The following AIG1 variants were observed in gnomAD, a reference collection of about 807,000 sequenced individuals.
AIG1 encodes the protein androgen induced 1, also known as androgen-induced gene 1 protein.
A neutral mutation model predicts 31.4 loss-of-function variants in AIG1; 23 were observed. The ratio of observed to expected loss-of-function variants is 0.73; its 90% CI spans 0.53 to 1.04. AIG1 has a LOEUF of 1.04. Ranked by LOEUF, AIG1 falls within the 50% of genes least tolerant of loss-of-function variation. The pLI is 0.00. For missense variants in AIG1, 274 were observed against 295.0 expected, an observed-to-expected ratio of 0.93 and a Z score of 0.52; for synonymous variants, 100 against 110.5, an observed-to-expected ratio of 0.90 and a Z score of 0.60.
chr6:143,192,366 A>T (rs1352831182), intron 3 of AIG1, among the ~76,000 whole-genome samples: 1 of 152,180 alleles, frequency 6.6e-6, no homozygotes, highest in Non-Finnish European at 1.5e-5. Flanking sequence ...GCACTTTGGG[A>T]GGCCAAGACA....
chr6:143,262,339 C>A (rs1440884384), intron 3 of AIG1, among the ~76,000 whole-genome samples: 1 of 152,124 alleles, frequency 6.6e-6, no homozygotes, highest in Non-Finnish European at 1.5e-5. Flanking sequence ...AGGCTCCATC[C>A]GCAAGTAAGT....
At chr6:143,285,341 T>TG (rs1174871894) in intron 4 of AIG1, among the ~76,000 whole-genome samples, 2 of 150,396 alleles carry the variant, frequency 1.3e-5, no homozygotes. Flanking sequence ...CGCGTCCAGC[T>TG]GGGAGGAGCT....
chr6:143,087,770 C>T (rs1357464856), intron 1 of AIG1, among the ~76,000 whole-genome samples: 3 of 152,306 alleles, frequency 2.0e-5, no homozygotes, highest in South Asian at 2.1e-4. Flanking sequence ...AATATCTTAA[C>T]TTTAAATCAA....
chr6:143,153,389 C>G (rs184992708), intron 2 of AIG1, among the ~76,000 whole-genome samples: 12 of 152,038 alleles, frequency 7.9e-5, no homozygotes, highest in African/African-American at 2.4e-4. Context: ...GCTCTGTCAC[C>G]CAGGCTGGAG....
chr6:143,084,317 G>A (rs1042380728), intron 1 of AIG1, among the ~76,000 whole-genome samples: 4 of 152,148 alleles, frequency 2.6e-5, no homozygotes, highest in East Asian at 1.9e-4. Flanking sequence ...GGGCATGGAC[G>A]AGGGGGTGGC....
At chr6:143,208,583 G>C (rs1025808460) in intron 3 of AIG1, among the ~76,000 whole-genome samples, 5 of 152,136 alleles carry the variant, frequency 3.3e-5, no homozygotes, top group Non-Finnish European at 7.3e-5. Flanking sequence ...ATTTAGTGAG[G>C]AGGAAGAATA....
At chr6:143,087,871 C>G (rs1778948991) in intron 1 of AIG1, among the ~76,000 whole-genome samples, 1 of 152,180 alleles carries the variant, frequency 6.6e-6, no homozygotes, top group South Asian at 2.1e-4. Context: ...TGGCAATGAT[C>G]ACTCAGGGTG....
chr6:143,228,741 G>A (rs1311524332), intron 3 of AIG1, among the ~76,000 whole-genome samples: 1 of 152,224 alleles, frequency 6.6e-6, no homozygotes, highest in African/African-American at 2.4e-5. Flanking sequence ...CCCAAGATGG[G>A]TGTGGTCTGG....
intron 3 of AIG1, among the ~76,000 whole-genome samples, chr6:143,244,101 A>T (rs1407766140): frequency 1.3e-5 from 2 of 152,218 alleles, no homozygotes; most frequent in African/African-American, 4.8e-5. Context: ...AGGGAATCAT[A>T]CCCAGCAGCA....
rs56096939 is a variant in AIG1, at chr6:143,067,322, G to A, written c.141+6256G>A. Among the ~76,000 whole-genome samples the A allele has an allele frequency of 9.7e-3, 1,484 of 152,208 alleles. 8 individuals are homozygous for A. The highest frequency in any genetic ancestry group is 0.02 in the Middle Eastern group (6 of 294). On this transcript the variant is annotated intron_variant, in intron 1 of 5. Transcript: ENST00000357847. The stretch of plus-strand genomic sequence containing the variant: ...GGTCTTATATTTTGGCTAGGTGAAG[G>A]CATTTTTGTAGAAGTTTAAGGTAAT...
chr6:143,203,954 T>C (rs1790904452), intron 3 of AIG1, among the ~76,000 whole-genome samples: 1 of 152,190 alleles, frequency 6.6e-6, no homozygotes, highest in African/African-American at 2.4e-5. Context: ...TATAAAGTAC[T>C]CTTTTAGAGA....
rs548353203 is a variant in AIG1 at position 143,188,455 on chromosome 6, C to A, written c.399+23272C>A. ...CTGTGCTTTAACCTTATTTGGAAGT[C>A]AGGGTTAGAGTGGCACTGGAAGGTC... is the stretch of plus-strand genomic sequence containing the variant. On this transcript the variant is annotated intron_variant, in intron 3 of 5. Coordinates refer to ENST00000357847, the MANE Select transcript of AIG1 (RefSeq NM_016108.4). 195 of 985,358 alleles carry A rather than the reference C, an allele frequency of 2.0e-4. 1 individual carries two copies. The highest frequency in any genetic ancestry group is 2.3e-4 in the Non-Finnish European group (189 of 829,946). The allele number at this position is 985,358 out of a possible 1,614,324, so 61.0% of individuals were successfully genotyped here.
rs1388055422 is a variant in AIG1, at chr6:143,292,394, C to T, written c.515+8169C>T. Reference sequence around the variant, plus strand: ...CTGTGGTCAGAGAGAGACATGACTGCCGAAGGACAGTTAGAGAGATGCAGT... The same window carrying T: ...CTGTGGTCAGAGAGAGACATGACTGTCGAAGGACAGTTAGAGAGATGCAGT... On this transcript the variant is annotated intron_variant, in intron 4 of 5. Transcript: ENST00000357847. The surrounding 1 kb of genome is among the most constrained non-coding windows in gnomAD (Gnocchi z 4.9). Among the ~76,000 whole-genome samples the T allele has an allele frequency of 6.6e-6, 1 of 152,158 alleles. No individual in the cohort carries two copies. The highest frequency in any genetic ancestry group is 2.4e-5 in the African/African-American group (1 of 41,430).
chr6:143,096,515 C>T (rs948386804), intron 1 of AIG1, among the ~76,000 whole-genome samples: 1 of 152,098 alleles, frequency 6.6e-6, no homozygotes, highest in Non-Finnish European at 1.5e-5. Flanking sequence ...TTTTAAAGAC[C>T]TCACCCAGTC....
chr6:143,269,859 A>G (rs926418922), intron 3 of AIG1, among the ~76,000 whole-genome samples: 2 of 152,224 alleles, frequency 1.3e-5, no homozygotes, highest in Non-Finnish European at 2.9e-5. Flanking sequence ...ATATTCTGGA[A>G]GGCTTTCGAA....
At chr6:143,226,251 T>G (rs1485712193) in intron 3 of AIG1, among the ~76,000 whole-genome samples, 1 of 151,494 alleles carries the variant, frequency 6.6e-6, no homozygotes, top group East Asian at 1.9e-4. Context: ...TATATATTTT[T>G]TTTTTTTTGA....
intron 2 of AIG1, among the ~76,000 whole-genome samples, chr6:143,138,262 C>T (rs1783932577): frequency 6.6e-6 from 1 of 152,150 alleles, no homozygotes; most frequent in African/African-American, 2.4e-5. Flanking sequence ...TTTAGCATAG[C>T]AGAGTTTAAT....
chr6:143,224,594 C>CA (rs1239979397), intron 3 of AIG1, among the ~76,000 whole-genome samples: 3 of 152,162 alleles, frequency 2.0e-5, no homozygotes, highest in Non-Finnish European at 4.4e-5. Flanking sequence ...ATAATTATTC[C>CA]ATGACCCTCC....
At chr6:143,317,135 G>A (rs11968156) in intron 4 of AIG1, among the ~76,000 whole-genome samples, 20,086 of 152,064 alleles carry the variant, frequency 0.13, 2,339 homozygotes, top group African/African-American at 0.32. Context: ...TAGAGAAAGA[G>A]GGAGTCCTCC....
Sources: allele counts gnomAD v4.1 joint callset (sites outside exome capture counted in the v4.1 genomes callset), GRCh38; gene constraint gnomAD v4.1.1; non-coding constraint Gnocchi (gnomAD v3.1); transcripts MANE v1.5; gene names NCBI Gene and HGNC (gene_info 2026-07-23, HGNC 2026-07-21).